The following FBXL17 variants were observed in gnomAD, a reference collection of about 807,000 sequenced individuals.
FBXL17 encodes F-box and leucine rich repeat protein 17, also known as F-box/LRR-repeat protein 17.
Under a neutral mutation model 66.2 loss-of-function variants are expected in FBXL17, and 22 were observed. The observed-to-expected ratio is 0.33, with a 90% CI of 0.24 to 0.47. The LOEUF (loss-of-function observed/expected upper bound fraction) is 0.47, where lower values mean the gene tolerates loss of function less well. Ranked by LOEUF, FBXL17 falls within the 20% of genes least tolerant of loss-of-function variation. FBXL17 has a pLI of 1.00. For missense variants in FBXL17, 878 were observed against 948.2 expected (o/e 0.93, Z 0.97); for synonymous variants, 474 against 400.5 (o/e 1.18, Z -2.19).
At chr5:108,170,175 T>A (rs1752554500) in intron 6 of FBXL17, among the ~76,000 whole-genome samples, 1 of 152,096 alleles carries the variant, frequency 6.6e-6, no homozygotes, top group Non-Finnish European at 1.5e-5. Flanking sequence ...AAAATAGGAA[T>A]TCAGTTTAAA....
chr5:108,059,926 A>G (rs537461814), intron 6 of FBXL17, among the ~76,000 whole-genome samples: 68 of 151,752 alleles, frequency 4.5e-4, no homozygotes, highest in African/African-American at 1.5e-3. Context: ...GGAAATGTAT[A>G]TAAATTATAT....
chr5:108,366,146 AT>A (rs1561556974), intron 2 of FBXL17, among the ~76,000 whole-genome samples: 4 of 152,180 alleles, frequency 2.6e-5, no homozygotes, highest in Non-Finnish European at 5.9e-5. Flanking sequence ...AAAATACACC[AT>A]TTTGCATATC....
At chr5:107,913,481 A>G (rs1374592151) in intron 7 of FBXL17, among the ~76,000 whole-genome samples, 1 of 152,166 alleles carries the variant, frequency 6.6e-6, no homozygotes, top group Non-Finnish European at 1.5e-5. Flanking sequence ...TGTGGATGAC[A>G]GTGATGATCA....
At chr5:108,251,811 CAT>C (rs1332913151) in intron 4 of FBXL17, among the ~76,000 whole-genome samples, 1 of 152,002 alleles carries the variant, frequency 6.6e-6, no homozygotes, top group African/African-American at 2.4e-5. Context: ...ATATAAATAA[CAT>C]ATTGTATAGT....
intron 6 of FBXL17, among the ~76,000 whole-genome samples, chr5:108,051,943 T>C (rs1483511957): frequency 6.6e-6 from 1 of 151,524 alleles, no homozygotes; most frequent in African/African-American, 2.4e-5. Flanking sequence ...ACCCTGTCTC[T>C]TCTAAAAAAA....
In FBXL17 at chr5:107,973,728, C is replaced by T. The variant is rs575126969; in HGVS notation, c.1822+47197G>A. The stretch of plus-strand genomic sequence containing the variant: ...ATCAGTATGCCTTTAATTCCGTCAC[C>T]CAGGAAATAATGAAAAACGCAGAAT... On this transcript the variant is annotated intron_variant, in intron 7 of 8. Transcript: ENST00000542267. Among the ~76,000 whole-genome samples the T allele has an allele frequency of 5.3e-5, 8 of 151,810 alleles. No individual in the cohort carries two copies. The South Asian group carries it at 1.7e-3, about 32-fold the overall frequency.
At chr5:107,936,415 A>T (rs1750910292) in intron 7 of FBXL17, among the ~76,000 whole-genome samples, 1 of 152,092 alleles carries the variant, frequency 6.6e-6, no homozygotes, top group Non-Finnish European at 1.5e-5. Context: ...CTTGCAAGTT[A>T]CTTAATTTAC....
intron 7 of FBXL17, among the ~76,000 whole-genome samples, chr5:107,999,078 T>A (rs932437873): frequency 2.0e-5 from 3 of 152,188 alleles, no homozygotes; most frequent in African/African-American, 7.2e-5. Context: ...TCCAGGTGAC[T>A]TGGGAGGACC....
chr5:108,369,799 C>A (rs750909910), intron 1 of FBXL17, among the ~76,000 whole-genome samples: 28 of 151,958 alleles, frequency 1.8e-4, no homozygotes, highest in Non-Finnish European at 8.8e-5. Flanking sequence ...TAAGAAGATA[C>A]TTTTCAGACA....
intron 4 of FBXL17, among the ~76,000 whole-genome samples, chr5:108,262,710 G>GA (rs1356320908): frequency 2.0e-5 from 3 of 148,666 alleles, no homozygotes; most frequent in East Asian, 2.0e-4. Context: ...AATTAGATGG[G>GA]AAAAAACAAG....
At chr5:108,367,337 GA>G (rs202011067) in intron 2 of FBXL17, among the ~76,000 whole-genome samples, 17 of 142,870 alleles carry the variant, frequency 1.2e-4, no homozygotes, top group African/African-American at 2.1e-4. Flanking sequence ...AAAAGTTAAA[GA>G]AAAAAAAAAG....
At chr5:107,880,245 T>G in intron 8 of FBXL17, 5 of 443,284 alleles carry the variant, frequency 1.1e-5, no homozygotes, top group East Asian at 1.6e-4. Flanking sequence ...TTTTTTTTTG[T>G]TGGGGGAGAG....
In FBXL17 at chr5:108,233,237, G is replaced by C. The variant is rs972074593; in HGVS notation, c.1507-9009C>G. 2.0e-5 allele frequency among the ~76,000 whole-genome samples: 3 copies of C among 151,822 alleles called. No individual in the cohort carries two copies. In the South Asian group the frequency reaches 6.2e-4, roughly 32 times the overall value. ...TTTTCTTAATGGTGTTCTTAGCTCT[G>C]ACATTTAGGTCTATGATGTTCTCAG... On this transcript the variant is annotated intron_variant, in intron 4 of 8. Transcript: ENST00000542267.
intron 4 of FBXL17, among the ~76,000 whole-genome samples, chr5:108,347,300 T>C (rs1747343412): frequency 6.6e-6 from 1 of 152,074 alleles, no homozygotes; most frequent in African/African-American, 2.4e-5. Flanking sequence ...AAGGCAAAAA[T>C]ACAGTATAAT....
At chr5:107,893,253 AGAGGCCT>A (rs1249794373) in intron 7 of FBXL17, among the ~76,000 whole-genome samples, 2 of 152,208 alleles carry the variant, frequency 1.3e-5, no homozygotes, top group East Asian at 3.8e-4. Context: ...TACAGAAGGG[AGAGGCCT>A]GGTTCTGGAT....
chr5:108,023,037 T>C (rs1754659888), intron 6 of FBXL17, among the ~76,000 whole-genome samples: 1 of 151,988 alleles, frequency 6.6e-6, no homozygotes, highest in Admixed American at 6.6e-5. Flanking sequence ...TGATTAAGAG[T>C]GAGCAGTGTC....
chr5:108,244,568 CTCTA>C (rs1201883597), intron 4 of FBXL17, among the ~76,000 whole-genome samples: 2 of 152,172 alleles, frequency 1.3e-5, no homozygotes, highest in African/African-American at 2.4e-5. Flanking sequence ...CACTTCCTTT[CTCTA>C]TCTACATGGA....
rs145971128 is a variant in FBXL17, at chr5:108,349,088, G to C, written c.1375-558C>G. ...CCCAAAGTCCTGGGATTACAGGTGT[G>C]AGCCACTGCACCCAGCCTCTCTTGA... On this transcript the variant is annotated intron_variant, in intron 3 of 8. Transcript: ENST00000542267. 6.9e-3 allele frequency among the ~76,000 whole-genome samples: 1,047 copies of C among 152,262 alleles called. 18 individuals are homozygous for C. Among genetic ancestry groups the C allele is most frequent in the African/African-American group, 0.024 (989 of 41,558 alleles).
In FBXL17 at chr5:107,884,801, A is replaced by G. The variant is rs145905407; in HGVS notation, c.1823-3622T>C. ...TTATTTGTCCTGTCTACTTCATGAG[A>G]TTGGTCTGTGGCTCAAGTGAGATGA... On this transcript the variant is annotated intron_variant, in intron 7 of 8. Transcript: ENST00000542267. 7.5e-3 allele frequency among the ~76,000 whole-genome samples: 1,140 copies of G among 152,250 alleles called. 11 individuals are homozygous for G. The highest frequency in any genetic ancestry group is 0.026 in the African/African-American group (1,075 of 41,540).
Sources: allele counts gnomAD v4.1 joint callset (sites outside exome capture counted in the v4.1 genomes callset), GRCh38; gene constraint gnomAD v4.1.1; transcripts MANE v1.5; gene names NCBI Gene and HGNC (gene_info 2026-07-23, HGNC 2026-07-21).